The following TRIM49C variants were observed in gnomAD, a reference collection of about 807,000 sequenced individuals.
TRIM49C encodes tripartite motif containing 49C.
In TRIM49C, 6 loss-of-function variants were observed where a neutral mutation model predicts 21.4. The observed-to-expected ratio is 0.28, with a 90% CI of 0.15 to 0.55. TRIM49C has a LOEUF of 0.55. TRIM49C is among the 20% of genes least tolerant of loss of function. The pLI is 0.94. For synonymous variants in TRIM49C, 57 were observed against 148.1 expected, an observed-to-expected ratio of 0.38 and a Z score of 4.47; for missense variants, 161 against 442.4, an observed-to-expected ratio of 0.36 and a Z score of 5.71.
At position 90,040,968 on chromosome 11, in the gene TRIM49C, A is replaced by G. The variant is rs1348808680; in HGVS notation, c.860-83A>G. The G allele has an allele frequency of 3.9e-5, 57 of 1,455,038 alleles. 2 individuals are homozygous for G. The Middle Eastern group carries it at 2.8e-3, about 72-fold the overall frequency. The allele number at this position is 1,455,038 out of a possible 1,614,324, so 90.1% of individuals were successfully genotyped here. On this transcript the variant is annotated intron_variant, in intron 7 of 7. Transcript: ENST00000448984. ...TTTTTATGACTTTACATTTGCTGGT[A>G]AAGTAACTTCTTGATAGAACAATTA...
intron 3 of TRIM49C, 127 bp from the exon 4 acceptor site, chr11:90,035,761 G>A: frequency 1.7e-6 from 1 of 605,100 alleles, no homozygotes; most frequent in Non-Finnish European, 2.6e-6. Context: ...TCCAACCTCT[G>A]GGCTTTGACA....
the TRIM49C span, chr11:90,073,132 G>A: frequency 1.3e-5 from 13 of 994,198 alleles, no homozygotes; most frequent in Admixed American, 2.3e-5. Context: ...GGATAAGGAA[G>A]AATAGCACAA....
intron 7 of TRIM49C, 77 bp from the exon 8 acceptor site, chr11:90,040,974 A>T: frequency 6.9e-7 from 1 of 1,457,398 alleles, no homozygotes; most frequent in Non-Finnish European, 9.0e-7. Flanking sequence ...TGGTAAAGTA[A>T]CTTCTTGATA....
At chr11:90,039,069 G>A (rs559202905) in intron 6 of TRIM49C, among the ~76,000 whole-genome samples, 4 of 134,734 alleles carry the variant, frequency 3.0e-5, no homozygotes, top group South Asian at 5.3e-4. Flanking sequence ...ACAGGCGCCC[G>A]CCACCACACC....
At chr11:90,065,566 T>G in the TRIM49C span, among the ~76,000 whole-genome samples, 1 of 140,128 alleles carries the variant, frequency 7.1e-6, no homozygotes, top group Non-Finnish European at 1.5e-5. Flanking sequence ...TGATTAGGTT[T>G]ATAAGGTATT....
chr11:90,039,643 CAA>C (rs377655548), intron 6 of TRIM49C, among the ~76,000 whole-genome samples: 2 of 116,400 alleles, frequency 1.7e-5, no homozygotes, highest in African/African-American at 3.2e-5. Flanking sequence ...ACATTTGGAG[CAA>C]AAAAAAAAGA....
chr11:90,062,626 G>A, the TRIM49C span: 1 of 1,482,448 alleles, frequency 6.7e-7, no homozygotes, highest in Non-Finnish European at 9.0e-7. Flanking sequence ...ATTGGGCTGT[G>A]GCTGTGAGCC....
the TRIM49C span, chr11:90,052,146 C>T: frequency 2.2e-5 from 9 of 418,596 alleles, 3 homozygotes; most frequent in Non-Finnish European, 8.3e-6. Flanking sequence ...CCCAGGACCC[C>T]GGCAGCGGGG....
At chr11:90,051,863 G>A in the TRIM49C span, 1 of 419,644 alleles carries the variant, frequency 2.4e-6, no homozygotes, top group African/African-American at 2.2e-5. Flanking sequence ...CAGGGCAGCG[G>A]GCGCTTCTCC....
At chr11:90,063,062 A>G in the TRIM49C span, 2 of 1,375,954 alleles carry the variant, frequency 1.5e-6, no homozygotes, top group African/African-American at 1.7e-5. Context: ...ACCCCGATGA[A>G]AAGGAAAAAA....
chr11:90,036,073 G>A lies in TRIM49C; in HGVS notation c.507+90G>A, dbSNP rs1950726107. On this transcript the variant is annotated intron_variant, in intron 4 of 7. Transcript: ENST00000448984. ...TAGGAACTTGATATCAAACTGTAAT[G>A]TTTCTGGGATACAGTAAAAAAAAAA... 5 of 936,806 alleles carry A rather than the reference G, an allele frequency of 5.3e-6. 1 individual carries two copies. Among genetic ancestry groups the A allele is most frequent in the South Asian group, 2.3e-5 (1 of 44,214 alleles). The allele number at this position is 936,806 out of a possible 1,614,324, so 58.0% of individuals were successfully genotyped here. A position where few individuals can be genotyped will look rare whatever the true frequency, so the allele number is the denominator to read the frequency against.
chr11:90,036,116 G>C, intron 4 of TRIM49C, 133 bp downstream of exon 4: 1 of 1,175,832 alleles, frequency 8.5e-7, no homozygotes, highest in Non-Finnish European at 1.1e-6. Flanking sequence ...AGAAAACATT[G>C]AGAAAAAGTG....
the TRIM49C span, among the ~76,000 whole-genome samples, chr11:90,067,038 T>C: frequency 7.3e-6 from 1 of 137,606 alleles, no homozygotes; most frequent in Non-Finnish European, 1.6e-5. Flanking sequence ...CTTCAAGTCT[T>C]TTTCAAACCA....
the TRIM49C span, among the ~76,000 whole-genome samples, chr11:90,069,650 A>T: frequency 8.2e-6 from 1 of 122,068 alleles, no homozygotes; most frequent in Admixed American, 1.0e-4. Context: ...AAGGAGAAAG[A>T]ATGAGAATAC....
At chr11:90,064,230 C>CT in the TRIM49C span, among the ~76,000 whole-genome samples, 2 of 149,818 alleles carry the variant, frequency 1.3e-5, no homozygotes, top group South Asian at 2.1e-4. Context: ...CCTTTCAATA[C>CT]ATTAAATGTA....
the TRIM49C span, among the ~76,000 whole-genome samples, chr11:90,067,872 T>C: frequency 4.7e-4 from 64 of 136,888 alleles, 4 homozygotes; most frequent in African/African-American, 1.6e-3. Flanking sequence ...GCCTCATCAT[T>C]TTCATGTTGA....
chr11:90,035,797 C>T, intron 3 of TRIM49C, 91 bp from the exon 4 acceptor site: 2 of 528,194 alleles, frequency 3.8e-6, no homozygotes, highest in Non-Finnish European at 6.1e-6. Context: ...AAAGGAAATG[C>T]CATTTACTAG....
At chr11:90,064,397 A>T in the TRIM49C span, among the ~76,000 whole-genome samples, 1 of 150,950 alleles carries the variant, frequency 6.6e-6, no homozygotes, top group African/African-American at 2.5e-5. Flanking sequence ...ATAACAACAA[A>T]AAAAGTGAAG....
the TRIM49C span, chr11:90,062,871 G>A: frequency 2.1e-6 from 3 of 1,408,200 alleles, no homozygotes; most frequent in Non-Finnish European, 2.8e-6. Flanking sequence ...GCCTTCTTCT[G>A]AGCAGAGGCA....
Sources: gnomAD v4.1 joint callset for allele counts (sites outside exome capture counted in the v4.1 genomes callset) on GRCh38, gnomAD v4.1.1 for gene constraint, MANE v1.5 for transcripts, NCBI Gene and HGNC (gene_info 2026-07-23, HGNC 2026-07-21) for gene names.